Variants in JMJD1C observed in about 807,000 individuals in gnomAD.
JMJD1C encodes jumonji domain-containing protein 1C.
A neutral mutation model predicts 245.3 loss-of-function variants in JMJD1C; 31 were observed. The observed-to-expected ratio is 0.13, with a 90% confidence interval of 0.09 to 0.17. The LOEUF (loss-of-function observed/expected upper bound fraction) is 0.17, where lower values mean the gene tolerates loss of function less well. JMJD1C is among the 10% of genes least tolerant of loss of function. The pLI is 1.00. For missense variants in JMJD1C, 2,691 were observed against 3,000.2 expected, an observed-to-expected ratio of 0.90 and a Z score of 2.41; for synonymous variants, 1,057 against 1,017.4, an observed-to-expected ratio of 1.04 and a Z score of -0.74.
At chr10:63,465,433 G>C in intron 1 of JMJD1C, 62 bp downstream of exon 1, 1 of 1,470,392 alleles carries the variant, frequency 6.8e-7, no homozygotes, top group South Asian at 1.3e-5. Flanking sequence ...AGCCTGCAAG[G>C]TACGTCTGCG....
chr10:63,465,153 C>T (rs1168890834), intron 1 of JMJD1C: 4 of 328,898 alleles, frequency 1.2e-5, no homozygotes, highest in Non-Finnish European at 2.2e-5. Context: ...CCCACCTGCC[C>T]GCGCGGCGCC....
Position 63,360,698 on chromosome 10 carries a change from A to T in JMJD1C, c.333+19620T>A, listed in dbSNP as rs974300619. ...GATAATGATGGCATGCTTATATTATAAAAAAATTACTGTTAATAAAGATAA... is the reference window on the plus strand; with the variant it reads ...GATAATGATGGCATGCTTATATTATTAAAAAATTACTGTTAATAAAGATAA... On this transcript the variant is annotated intron_variant, in intron 2 of 25. Coordinates refer to ENST00000399262, the MANE Select transcript of JMJD1C (RefSeq NM_032776.3). 4.6e-5 allele frequency among the ~76,000 whole-genome samples: 7 copies of T among 152,222 alleles called. No homozygotes were observed. The South Asian group carries it at 1.0e-3, about 23-fold the overall frequency.
At chr10:63,452,593 G>A (rs1333438659) in intron 1 of JMJD1C, among the ~76,000 whole-genome samples, 1 of 152,056 alleles carries the variant, frequency 6.6e-6, no homozygotes, top group Non-Finnish European at 1.5e-5. Context: ...ATACCCCAAG[G>A]AAGTAAAAAG....
intron 11 of JMJD1C, among the ~76,000 whole-genome samples, chr10:63,199,541 T>G (rs1845800648): frequency 6.6e-6 from 1 of 152,182 alleles, no homozygotes; most frequent in Non-Finnish European, 1.5e-5. Context: ...AGCATCTTAT[T>G]TTGGTTTTAT....
chr10:63,370,921 A>G (rs1554906285), intron 2 of JMJD1C, among the ~76,000 whole-genome samples: 15 of 152,204 alleles, frequency 9.9e-5, no homozygotes. Context: ...GGAAAAGACA[A>G]TTTTGGTCAG....
At position 63,259,033 on chromosome 10, in the gene JMJD1C, T is replaced by A. The variant is rs74623019; in HGVS notation, c.447+5618A>T. Among the ~76,000 whole-genome samples the A allele has an allele frequency of 3.8e-3, 573 of 152,284 alleles. 4 individuals carry two copies. Among genetic ancestry groups the A allele is most frequent in the African/African-American group, 0.013 (554 of 41,550 alleles). On this transcript the variant is annotated intron_variant, in intron 3 of 25. Transcript: ENST00000399262. ...TAGAAATGTTACATTTTTAAAACAA[T>A]CTAAAGTGATCTGTCTGTACTATAA...
chr10:63,372,041 A>G (rs1169957177), intron 2 of JMJD1C, among the ~76,000 whole-genome samples: 1 of 152,218 alleles, frequency 6.6e-6, no homozygotes, highest in Non-Finnish European at 1.5e-5. Flanking sequence ...GCTTGAGGCC[A>G]TAATCTAAAC....
chr10:63,224,979 T>C (rs960720544), intron 3 of JMJD1C, among the ~76,000 whole-genome samples: 1 of 151,674 alleles, frequency 6.6e-6, no homozygotes, highest in African/African-American at 2.4e-5. Flanking sequence ...GGAGAATCGC[T>C]TGAACCCAGG....
At position 63,367,168 on chromosome 10, in the gene JMJD1C, C is replaced by T. The variant is rs146306586; in HGVS notation, c.333+13150G>A. On this transcript the variant is annotated intron_variant, in intron 2 of 25. Coordinates refer to ENST00000399262, the MANE Select transcript of JMJD1C (RefSeq NM_032776.3). ...CTCAGAGGTTGAGTGGACCAATGAG[C>T]CCCTGCTGGTCTCCTTCCATTAAAG... Among the ~76,000 whole-genome samples, 1,268 of 152,272 alleles carry T rather than the reference C, an allele frequency of 8.3e-3. 6 individuals carry two copies. Among genetic ancestry groups the T allele is most frequent in the Middle Eastern group, 0.045 (13 of 292 alleles).
chr10:63,309,582 C>T (rs1938853968), intron 2 of JMJD1C, among the ~76,000 whole-genome samples: 1 of 150,252 alleles, frequency 6.7e-6, no homozygotes, highest in Admixed American at 6.6e-5. Context: ...GTATAACAGA[C>T]CTACATGGTA....
intron 2 of JMJD1C, among the ~76,000 whole-genome samples, chr10:63,339,284 C>T (rs1303981563): frequency 6.6e-6 from 1 of 152,112 alleles, no homozygotes; most frequent in Non-Finnish European, 1.5e-5. Context: ...CTAGCTATAT[C>T]CTGTATTTTT....
chr10:63,519,331 G>C (rs1229583396), intron 1 of JMJD1C, among the ~76,000 whole-genome samples: 1 of 152,176 alleles, frequency 6.6e-6, no homozygotes, highest in African/African-American at 2.4e-5. Context: ...TATTCACAAT[G>C]ATGACCTCCA....
intron 4 of JMJD1C, chr10:63,217,699 G>A (rs986457868): frequency 6.5e-6 from 1 of 154,048 alleles, no homozygotes; most frequent in African/African-American, 2.4e-5. Flanking sequence ...GAAACAGAAA[G>A]ATTAACTTGC....
At chr10:63,345,688 A>G (rs1459326580) in intron 2 of JMJD1C, among the ~76,000 whole-genome samples, 2 of 152,278 alleles carry the variant, frequency 1.3e-5, no homozygotes, top group East Asian at 3.9e-4. Context: ...AGGGGGCAGC[A>G]CAGGAAAATT....
At chr10:63,469,156 T>C (rs572739332), upstream of JMJD1C, among the ~76,000 whole-genome samples, 3 of 152,362 alleles carry the variant, frequency 2.0e-5, no homozygotes, top group Non-Finnish European at 2.9e-5. Flanking sequence ...TCTGCTCTCA[T>C]ACATACTAAT....
chr10:63,478,044 A>G (rs1034314613), intron 1 of JMJD1C, among the ~76,000 whole-genome samples: 1 of 152,170 alleles, frequency 6.6e-6, no homozygotes, highest in South Asian at 2.1e-4. Context: ...GTGTAAAGGA[A>G]GATAAGGAAC....
intron 1 of JMJD1C, among the ~76,000 whole-genome samples, chr10:63,487,069 T>C (rs1954023423): frequency 1.3e-5 from 2 of 152,206 alleles, no homozygotes; most frequent in African/African-American, 4.8e-5. Flanking sequence ...ATAGCTTCTA[T>C]TTTACTTTCT....
chr10:63,438,014 T>C (rs1951154719), intron 1 of JMJD1C, among the ~76,000 whole-genome samples: 1 of 152,222 alleles, frequency 6.6e-6, no homozygotes, highest in Non-Finnish European at 1.5e-5. Flanking sequence ...TTCAGTCTGA[T>C]AGCTTTAAAT....
At chr10:63,335,204 A>C (rs894862739) in intron 2 of JMJD1C, among the ~76,000 whole-genome samples, 6 of 152,088 alleles carry the variant, frequency 3.9e-5, no homozygotes, top group Non-Finnish European at 7.4e-5. Context: ...CAGACACAGC[A>C]GTCTGTCAAA....
Sources: allele counts gnomAD v4.1 joint callset (sites outside exome capture counted in the v4.1 genomes callset), GRCh38; gene constraint gnomAD v4.1.1; transcripts MANE v1.5; gene names NCBI Gene and HGNC (gene_info 2026-07-23, HGNC 2026-07-21).